Variants in CCNY observed in about 807,000 individuals in gnomAD.
CCNY encodes the protein cyclin Y.
In CCNY, 19 loss-of-function variants were observed where a neutral mutation model predicts 42.8. The observed-to-expected ratio is 0.44, with a 90% CI of 0.31 to 0.65. The LOEUF (loss-of-function observed/expected upper bound fraction) is 0.65. CCNY is among the 30% of genes least tolerant of loss of function. The pLI is 0.07. For synonymous variants in CCNY, 165 were observed against 162.7 expected (o/e 1.01, Z -0.11); for missense variants, 370 against 437.3 (o/e 0.85, Z 1.37).
At chr10:35,333,505 T>C (rs1398892372), upstream of CCNY, among the ~76,000 whole-genome samples, 2 of 152,166 alleles carry the variant, frequency 1.3e-5, no homozygotes, top group African/African-American at 4.8e-5. Flanking sequence ...GAAGTGACAC[T>C]TGTTTTTTTA....
At position 35,530,747 on chromosome 10, in the gene CCNY, C is replaced by T. The variant is rs780937367; in HGVS notation, c.579+504C>T. On this transcript the variant is annotated intron_variant, in intron 7 of 9. Coordinates refer to ENST00000374704, the MANE Select transcript of CCNY (RefSeq NM_145012.6). The surrounding 1 kb of genome is among the most constrained non-coding windows in gnomAD (Gnocchi z 4.3). ...ATATTCAGAGACAGTATGGAGGTAA[C>T]GTATATTTTAAGACTCAAGAAAAAA... Among the ~76,000 whole-genome samples the T allele has an allele frequency of 6.6e-5, 10 of 152,010 alleles. No homozygotes were observed. Among genetic ancestry groups the T allele is most frequent in the Non-Finnish European group, 1.0e-4 (7 of 68,002 alleles).
chr10:35,248,689 G>A (rs1454743477), intron 2 of CCNY, among the ~76,000 whole-genome samples: 4 of 151,270 alleles, frequency 2.6e-5, no homozygotes, highest in African/African-American at 9.7e-5. Context: ...AATCAGACTA[G>A]GGCTGGGTGC....
chr10:35,409,093 C>T (rs1404390925), intron 1 of CCNY, among the ~76,000 whole-genome samples: 2 of 151,848 alleles, frequency 1.3e-5, no homozygotes, highest in African/African-American at 4.8e-5. Flanking sequence ...TTAAGGAGGC[C>T]TTTTTTTTCC....
intron 2 of CCNY, among the ~76,000 whole-genome samples, chr10:35,490,691 G>A (rs760501698): frequency 8.5e-5 from 13 of 152,340 alleles, no homozygotes; most frequent in Non-Finnish European, 1.8e-4. Flanking sequence ...GGACAAAGAA[G>A]CCTCCAGGTT....
chr10:35,360,803 T>C (rs1343878901), intron 1 of CCNY, among the ~76,000 whole-genome samples: 1 of 152,022 alleles, frequency 6.6e-6, no homozygotes, highest in African/African-American at 2.4e-5. Context: ...TATATTAATA[T>C]GTCTCTGAGT....
chr10:35,316,783 AC>A lies in CCNY; in HGVS notation c.-9+66158del, dbSNP rs769524349. Among the ~76,000 whole-genome samples the A allele has an allele frequency of 9.1e-4, 139 of 152,376 alleles. 2 individuals are homozygous for A. The highest frequency in any genetic ancestry group is 2.3e-3 in the Admixed American group (35 of 15,304). ...ACCAAAATAGCATATTAAAATCACAACTGAATACTAGAATGTATCAATAAAG... is the reference window on the plus strand; with the variant it reads ...ACCAAAATAGCATATTAAAATCACAATGAATACTAGAATGTATCAATAAAG... On this transcript the variant is annotated intron_variant, in intron 3 of 11. Coordinates refer to the CCNY transcript ENST00000374706.
At chr10:35,477,806 G>A (rs1839551936) in intron 1 of CCNY, among the ~76,000 whole-genome samples, 2 of 152,052 alleles carry the variant, frequency 1.3e-5, no homozygotes, top group African/African-American at 2.4e-5. Flanking sequence ...GGCAGGAGAA[G>A]GAAATAAAGG....
chr10:35,393,863 A>G (rs1012984995), intron 1 of CCNY, among the ~76,000 whole-genome samples: 2 of 152,202 alleles, frequency 1.3e-5, no homozygotes, highest in Non-Finnish European at 2.9e-5. Flanking sequence ...TGGAGCCAGG[A>G]GTTCGAGATC....
chr10:35,389,469 C>T (rs1424235352), intron 1 of CCNY, among the ~76,000 whole-genome samples: 2 of 138,694 alleles, frequency 1.4e-5, no homozygotes, highest in African/African-American at 2.7e-5. Context: ...GAGACGGAGT[C>T]TAGCTCTGTT....
chr10:35,340,453 CAT>C (rs933785959), intron 1 of CCNY, among the ~76,000 whole-genome samples: 19 of 151,480 alleles, frequency 1.3e-4, no homozygotes, highest in Non-Finnish European at 1.6e-4. Context: ...ACAGCTGTAC[CAT>C]AGTGTCCTTG....
rs575892004 is a variant in CCNY at position 35,356,942 on chromosome 10, C to A, written c.154+19735C>A. On this transcript the variant is annotated intron_variant, in intron 1 of 9. Coordinates refer to ENST00000374704, the MANE Select transcript of CCNY (RefSeq NM_145012.6). The stretch of plus-strand genomic sequence containing the variant: ...CAGAGTCATTGGTGTCTGTCCCCTG[C>A]CTGCCATGTAAACCTCCTTTCTCGT... Among the ~76,000 whole-genome samples the A allele has an allele frequency of 3.3e-5, 5 of 152,250 alleles. No homozygotes were observed. In the South Asian group the frequency reaches 1.0e-3, roughly 32 times the overall value.
chr10:35,256,242 T>C (rs946480108), intron 3 of CCNY, among the ~76,000 whole-genome samples: 14 of 152,328 alleles, frequency 9.2e-5, no homozygotes, highest in African/African-American at 3.1e-4. Context: ...TATTTTTTTC[T>C]ATATGCCTTA....
rs192103959 is a variant in CCNY, at chr10:35,464,162, A to G, written c.155-19242A>G. ...AAACCCAGCAGCATATCCACCGCCG[A>G]ACTGGGTCTTCCAGCTCCCTCCTCT... On this transcript the variant is annotated intron_variant, in intron 1 of 9. Transcript: ENST00000374704. 3.2e-3 allele frequency among the ~76,000 whole-genome samples: 489 copies of G among 152,262 alleles called. 3 individuals carry two copies. The highest frequency in any genetic ancestry group is 0.011 in the African/African-American group (462 of 41,532).
chr10:35,384,397 A>G (rs1464079057), intron 1 of CCNY, among the ~76,000 whole-genome samples: 3 of 152,192 alleles, frequency 2.0e-5, no homozygotes, highest in African/African-American at 7.2e-5. Flanking sequence ...ATTCCTCTGG[A>G]ACTCAGTAAA....
At chr10:35,268,192 G>A (rs1459690467) in intron 3 of CCNY, among the ~76,000 whole-genome samples, 1 of 152,050 alleles carries the variant, frequency 6.6e-6, no homozygotes, top group Non-Finnish European at 1.5e-5. Context: ...ACTGTGCAGG[G>A]CCCCTTGGTT....
At chr10:35,339,879 A>G (rs183143326) in intron 1 of CCNY, among the ~76,000 whole-genome samples, 2 of 152,316 alleles carry the variant, frequency 1.3e-5, no homozygotes, top group Admixed American at 1.3e-4. Flanking sequence ...TGAAATTGAT[A>G]TTGGACTCAT....
intron 4 of CCNY, among the ~76,000 whole-genome samples, chr10:35,519,907 A>T (rs1055669869): frequency 3.3e-5 from 5 of 149,366 alleles, no homozygotes; most frequent in South Asian, 2.1e-4. Flanking sequence ...CCTTCCGAGT[A>T]GCTGGGATTA....
chr10:35,393,895 C>T (rs576607875), intron 1 of CCNY, among the ~76,000 whole-genome samples: 1 of 151,832 alleles, frequency 6.6e-6, no homozygotes, highest in African/African-American at 2.4e-5. Context: ...ATAGCGAGAC[C>T]CTGTCTCTAA....
In CCNY at chr10:35,560,600, C is replaced by A. The variant is rs1436401110; in HGVS notation, c.747-5423C>A. Among the ~76,000 whole-genome samples, 3 of 152,046 alleles carry A rather than the reference C, an allele frequency of 2.0e-5. No individual in the cohort carries two copies. In the East Asian group the frequency reaches 5.8e-4, roughly 29 times the overall value. On this transcript the variant is annotated intron_variant, in intron 8 of 9. Coordinates refer to ENST00000374704, the MANE Select transcript of CCNY (RefSeq NM_145012.6). Reference sequence around the variant, plus strand: ...GGGAAAAAATTCCCGTTGTTTAAGCCCCTAGCATTTTCATTACAGCAGCTC... The same window carrying A: ...GGGAAAAAATTCCCGTTGTTTAAGCACCTAGCATTTTCATTACAGCAGCTC...
Sources: allele counts gnomAD v4.1 joint callset (sites outside exome capture counted in the v4.1 genomes callset), GRCh38; gene constraint gnomAD v4.1.1; non-coding constraint Gnocchi (gnomAD v3.1); transcripts MANE v1.5; gene names NCBI Gene and HGNC (gene_info 2026-07-23, HGNC 2026-07-21).